The following CRYBA2 variants were observed in gnomAD, a reference collection of about 807,000 sequenced individuals.
CRYBA2 encodes crystallin beta A2, also known as beta-crystallin A2.
In CRYBA2, 17 loss-of-function variants were observed where a neutral mutation model predicts 18.5. That is an observed-to-expected ratio of 0.92 (90% CI 0.63 to 1.38). The LOEUF is 1.38. Ranked by LOEUF, CRYBA2 falls within the 40% of genes most tolerant of loss-of-function variation. The probability of loss-of-function intolerance (pLI) is 0.00; values close to 1 mark genes in which losing one functional copy is unlikely to be tolerated. For missense variants in CRYBA2, 271 were observed against 265.0 expected (o/e 1.02, Z -0.16); for synonymous variants, 101 against 106.2 (o/e 0.95, Z 0.30).
In CRYBA2 at chr2:218,992,123, G is replaced by T. The variant is rs888462974; in HGVS notation, c.282C>A (p.Ser94=). ...TCACCGCGCAGAGCACTGGCCGGAA[G>T]GACAGCAGCTGGTTGCTGTTGTGGC... is the stretch of plus-strand genomic sequence containing the variant. ...SSSHNSNQLL[S]FRPVLCANHN... Residue 94 remains serine, a synonymous_variant, in exon 2 of 4, where the codon TCC becomes TCA. Coordinates refer to ENST00000295728, the MANE Select transcript of CRYBA2 (RefSeq NM_057093.2). 17 of 1,613,458 alleles carry T rather than the reference G, an allele frequency of 1.1e-5. No individual in the cohort carries two copies. Among genetic ancestry groups the T allele is most frequent in the African/African-American group, 2.7e-5 (2 of 75,062 alleles).
rs1221127120 is a variant in CRYBA2, at chr2:218,993,324, G to A, written c.-148C>T. 3 of 725,306 alleles carry A rather than the reference G, an allele frequency of 4.1e-6. No homozygotes were observed. The highest frequency in any genetic ancestry group is 2.0e-5 in the South Asian group (1 of 51,066). 44.9% of individuals were successfully genotyped at this position (725,306 alleles called of 1,614,324 possible). On this transcript the variant is annotated 5_prime_UTR_variant, in exon 1 of 4. Transcript: ENST00000295728. This position sits in a 1 kb window ranked among gnomAD's most constrained non-coding sequence, Gnocchi z 7.7. ...CTCTGGACCCGGCTGCCAGGGGCTC[G>A]CAGTCTTCCCGCGCTCCCCTCCCTT...
intron 2 of CRYBA2, 129 bp downstream of exon 2, chr2:218,991,973 G>A: frequency 1.3e-6 from 1 of 748,396 alleles, no homozygotes; most frequent in East Asian, 3.0e-5. Flanking sequence ...GAGAAATAAT[G>A]CTACTACCAC....
Position 218,993,156 on chromosome 2 carries a change from C to G in CRYBA2, c.21G>C (p.Pro7=). Residue 7 remains proline, a synonymous_variant, in exon 1 of 4, where the codon CCG becomes CCC. Transcript: ENST00000295728. This position sits in a 1 kb window ranked among gnomAD's most constrained non-coding sequence, Gnocchi z 7.7. MSSAPA[P]GPAPASLTLW... is the part of the protein sequence containing the mutation. ...GCGTGAGGCTGGCGGGCGCCGGGCC[C>G]GGCGCGGGGGCGCTGCTCATGCCGC... 6.2e-7 allele frequency: 1 copy of G among 1,604,816 alleles called. No individual in the cohort carries two copies.
chr2:218,992,629 G>A (rs1022722920), intron 1 of CRYBA2, among the ~76,000 whole-genome samples: 1 of 152,086 alleles, frequency 6.6e-6, no homozygotes, highest in African/African-American at 2.4e-5. Flanking sequence ...GGGCGGCAGG[G>A]TGGGAAAAGC....
chr2:218,992,871 T>G (rs371120365), intron 1 of CRYBA2, 145 bp downstream of exon 1: 99 of 594,486 alleles, frequency 1.7e-4, no homozygotes, highest in East Asian at 1.6e-3. Flanking sequence ...TTGCGATGGG[T>G]GGGGAATTTT....
rs567887081 is a variant in CRYBA2, at chr2:218,991,219, G to T, written c.304-225C>A. 204 of 538,726 alleles carry T rather than the reference G, an allele frequency of 3.8e-4. 2 individuals are homozygous for T. Among genetic ancestry groups the T allele is most frequent in the Non-Finnish European group, 5.4e-4 (171 of 315,768 alleles). 33.4% of individuals were successfully genotyped at this position (538,726 alleles called of 1,614,324 possible). A position where few individuals can be genotyped will look rare whatever the true frequency, so the allele number is the denominator to read the frequency against. ...CCCTCCCATGACTTTGAGATAAGGA[G>T]GTGATTGGGGGATAGGATTTCCAGA... On this transcript the variant is annotated intron_variant, in intron 2 of 3. Coordinates refer to ENST00000295728, the MANE Select transcript of CRYBA2 (RefSeq NM_057093.2).
In CRYBA2 at chr2:218,993,234, G is replaced by C. The variant is rs570456090; in HGVS notation, c.-58C>G. 2.5e-4 allele frequency: 380 copies of C among 1,516,932 alleles called. 2 individuals are homozygous for C. In the Admixed American group the frequency reaches 6.6e-3, roughly 26 times the overall value. 94.0% of individuals were successfully genotyped at this position (1,516,932 alleles called of 1,614,324 possible). A position where few individuals can be genotyped will look rare whatever the true frequency, so the allele number is the denominator to read the frequency against. ...CTCAGCGTCTCAAGAGCCCCGTTTC[G>C]AGCCACACACAGCCTGCCCAACCTG... On this transcript the variant is annotated 5_prime_UTR_variant, in exon 1 of 4. Coordinates refer to ENST00000295728, the MANE Select transcript of CRYBA2 (RefSeq NM_057093.2). This position sits in a 1 kb window ranked among gnomAD's most constrained non-coding sequence, Gnocchi z 7.7.
chr2:218,992,074 C>A, intron 2 of CRYBA2, 28 bp downstream of exon 2: 1 of 1,596,152 alleles, frequency 6.3e-7, no homozygotes, highest in Non-Finnish European at 8.5e-7. Flanking sequence ...AGCTAGGAGG[C>A]AGGGGAGGAG....
At position 218,990,499 on chromosome 2, in the gene CRYBA2, G is replaced by C; in HGVS notation, c.447-100C>G. On this transcript the variant is annotated intron_variant, in intron 3 of 3. Transcript: ENST00000295728. Reference sequence around the variant, plus strand: ...CCCCTTTTGTAGCTCCCAACCCCCAGTTCCAAAATCATTGCTTCAACTTTC... The same window carrying C: ...CCCCTTTTGTAGCTCCCAACCCCCACTTCCAAAATCATTGCTTCAACTTTC... 4 of 1,395,978 alleles carry C rather than the reference G, an allele frequency of 2.9e-6. 1 individual carries two copies. In the South Asian group the frequency reaches 5.1e-5, roughly 18 times the overall value. 86.5% of individuals were successfully genotyped at this position (1,395,978 alleles called of 1,614,324 possible). A position where few individuals can be genotyped will look rare whatever the true frequency, so the allele number is the denominator to read the frequency against.
intron 3 of CRYBA2, 25 bp downstream of exon 3, chr2:218,990,827 C>G: frequency 1.2e-6 from 2 of 1,609,804 alleles, no homozygotes; most frequent in Non-Finnish European, 1.7e-6. Flanking sequence ...TCTTCTGTCT[C>G]CCTGGTTCCA....
At chr2:218,992,569 C>T (rs1328645968) in intron 1 of CRYBA2, among the ~76,000 whole-genome samples, 1 of 152,156 alleles carries the variant, frequency 6.6e-6, no homozygotes, top group African/African-American at 2.4e-5. Flanking sequence ...TGGAGGACCC[C>T]TCCCGAATAT....
intron 3 of CRYBA2, 66 bp from the exon 4 acceptor site, chr2:218,990,465 C>G: frequency 1.3e-6 from 2 of 1,566,028 alleles, no homozygotes; most frequent in Non-Finnish European, 1.7e-6. Context: ...ATGTTCTCCA[C>G]CAGCAGCCCC....
Position 218,993,092 on chromosome 2 carries a change from G to C in CRYBA2, c.85C>G (p.Leu29Val). The C allele has an allele frequency of 1.2e-6, 2 of 1,611,898 alleles. No individual in the cohort carries two copies. ...EEDFQGRRCRLLSDCANVCER... is the reference protein window; with the variant it reads ...EEDFQGRRCRVLSDCANVCER... ...CAGACGTTCGCACAGTCGCTTAGCA[G>C]CCGACAGCGACGGCCCTGGAAGTCC... Residue 29 changes from leucine (L) to valine (V), a missense_variant, in exon 1 of 4, where the codon CTG (leucine) becomes GTG (valine). Physicochemically the swap from Leu to Val is conservative, Grantham distance 32. Transcript: ENST00000295728. The surrounding 1 kb of genome is among the most constrained non-coding windows in gnomAD (Gnocchi z 7.7).
At chr2:218,992,511 A>AC (rs1457508381) in intron 1 of CRYBA2, among the ~76,000 whole-genome samples, 1 of 151,922 alleles carries the variant, frequency 6.6e-6, no homozygotes. Context: ...AGATCTCCCG[A>AC]CCCAGTGCTC....
At position 218,991,189 on chromosome 2, in the gene CRYBA2, C is replaced by T. The variant is rs1448895732; in HGVS notation, c.304-195G>A. ...GGATCGCTCAGAGGTTCCCCCGAAC[C>T]TGGCCCCTCCCATGACTTTGAGATA... On this transcript the variant is annotated intron_variant, in intron 2 of 3. Transcript: ENST00000295728. 14 of 692,036 alleles carry T rather than the reference C, an allele frequency of 2.0e-5. No individual in the cohort carries two copies. The East Asian group carries it at 3.8e-4, about 19-fold the overall frequency. 42.9% of individuals were successfully genotyped at this position (692,036 alleles called of 1,614,324 possible).
rs2106016871 is a variant in CRYBA2, at chr2:218,990,288, A to C, written c.558T>G (p.Thr186=). The C allele has an allele frequency of 6.2e-7, 1 of 1,614,138 alleles. No individual in the cohort carries two copies. The highest frequency in any genetic ancestry group is 8.5e-7 in the Non-Finnish European group (1 of 1,180,016). ...TYGELGTQAH[T]GQLQSIRRVQ... Reference sequence around the variant, plus strand: ...CTCTCCGGATGGACTGCAGCTGCCCAGTGTGGGCCTGTGTGCCGAGCTCAC... The same window carrying C: ...CTCTCCGGATGGACTGCAGCTGCCCCGTGTGGGCCTGTGTGCCGAGCTCAC... Residue 186 remains threonine (T), a synonymous_variant, in exon 4 of 4, where the codon ACT becomes ACG. Transcript: ENST00000295728.
At chr2:218,990,444 A>ACCCC in intron 3 of CRYBA2, 45 bp from the exon 4 acceptor site, 1 of 1,207,064 alleles carries the variant, frequency 8.3e-7, no homozygotes, top group Non-Finnish European at 1.1e-6. Flanking sequence ...CTCTGCCCCC[A>ACCCC]CCCCCACCCT....
Position 218,993,065 on chromosome 2 carries a change from C to A in CRYBA2, c.112G>T (p.Glu38Ter). 1 of 1,610,718 alleles carries A rather than the reference C, an allele frequency of 6.2e-7. No homozygotes were observed. Among genetic ancestry groups the A allele is most frequent in the Non-Finnish European group, 8.5e-7 (1 of 1,178,424 alleles). ...RLLSDCANVCERGGLPRVRSV... is the reference protein window; with the variant it reads ...RLLSDCANVC ...CGCACCCTGGGCAGGCCTCCGCGCT[C>A]GCAGACGTTCGCACAGTCGCTTAGC... Residue 38 changes from glutamate (E) to a stop codon, truncating the protein, a stop_gained, in exon 1 of 4, where the codon GAG becomes TAG. Transcript: ENST00000295728. LOFTEE classifies it high-confidence loss of function. This position sits in a 1 kb window ranked among gnomAD's most constrained non-coding sequence, Gnocchi z 7.7.
At chr2:218,992,372 A>C (rs1574491847) in intron 1 of CRYBA2, 129 bp from the exon 2 acceptor site, 2 of 940,516 alleles carry the variant, frequency 2.1e-6, no homozygotes, top group South Asian at 1.8e-5. Flanking sequence ...TTCCCCTGAC[A>C]CCCCCATTGT....
Sources: allele counts gnomAD v4.1 joint callset (sites outside exome capture counted in the v4.1 genomes callset), GRCh38; gene constraint gnomAD v4.1.1; non-coding constraint Gnocchi (gnomAD v3.1); transcripts MANE v1.5; gene names NCBI Gene and HGNC (gene_info 2026-07-23, HGNC 2026-07-21).